The following PCDHGA10 variants were observed in gnomAD, a reference collection of about 807,000 sequenced individuals.
The protein encoded by PCDHGA10 is protocadherin gamma-A10.
A neutral mutation model predicts 59.5 loss-of-function variants in PCDHGA10; 42 were observed. The ratio of observed to expected loss-of-function variants is 0.71; its 90% CI spans 0.55 to 0.91. PCDHGA10 has a LOEUF of 0.91. Ranked by LOEUF, PCDHGA10 falls within the 40% of genes least tolerant of loss-of-function variation. The probability of loss-of-function intolerance (pLI) is 0.00; values close to 1 mark genes in which losing one functional copy is unlikely to be tolerated. For missense variants in PCDHGA10, 1,111 were observed against 1,198.2 expected, an observed-to-expected ratio of 0.93 and a Z score of 1.07; for synonymous variants, 511 against 517.2, an observed-to-expected ratio of 0.99 and a Z score of 0.16.
rs562192762 is a variant in PCDHGA10, at chr5:141,485,718, T to C, written c.2437-9089T>C. 1 of 1,614,058 alleles carries C rather than the reference T, an allele frequency of 6.2e-7. No homozygotes were observed. The highest frequency in any genetic ancestry group is 2.2e-5 in the East Asian group (1 of 44,866). On this transcript the variant is annotated intron_variant, in intron 1 of 3. Coordinates refer to ENST00000398610, the MANE Select transcript of PCDHGA10 (RefSeq NM_018913.3). This position sits in a 1 kb window ranked among gnomAD's most constrained non-coding sequence, Gnocchi z 5.7. ...TCCAATGAACACTTTGCACTGGATG[T>C]GAAGAAGCGCAGCGACGGCAGCCTG...
intron 1 of PCDHGA10, among the ~76,000 whole-genome samples, chr5:141,435,732 C>T (rs2097777160): frequency 6.6e-6 from 1 of 152,150 alleles, no homozygotes; most frequent in South Asian, 2.1e-4. Flanking sequence ...AAGTGTATTA[C>T]TCTTTGAAAA....
chr5:141,444,710 T>A (rs2098445001), intron 1 of PCDHGA10, among the ~76,000 whole-genome samples: 1 of 152,236 alleles, frequency 6.6e-6, no homozygotes, highest in Admixed American at 6.5e-5. Flanking sequence ...TTCTGTTGAA[T>A]TTGCTTGGTG....
At chr5:141,430,928 C>A in intron 1 of PCDHGA10, 1 of 1,607,098 alleles carries the variant, frequency 6.2e-7, no homozygotes, top group Non-Finnish European at 8.5e-7. Context: ...GCTGGAGCCC[C>A]GGGAGCTCGC....
At chr5:141,471,860 A>G (rs1470502617) in intron 1 of PCDHGA10, among the ~76,000 whole-genome samples, 1 of 152,202 alleles carries the variant, frequency 6.6e-6, no homozygotes, top group Non-Finnish European at 1.5e-5. Flanking sequence ...AAAAAGCAAA[A>G]CTGTGGTTGC....
Position 141,485,057 on chromosome 5 carries a change from C to A in PCDHGA10, c.2437-9750C>A, listed in dbSNP as rs2099605934. ...GTAACCCTTGCGGCGCCGGCCGAACCGCGCCAGAGCTGGCGCGGGGAAAGG... is the reference window on the plus strand; with the variant it reads ...GTAACCCTTGCGGCGCCGGCCGAACAGCGCCAGAGCTGGCGCGGGGAAAGG... On this transcript the variant is annotated intron_variant, in intron 1 of 3. Coordinates refer to ENST00000398610, the MANE Select transcript of PCDHGA10 (RefSeq NM_018913.3). The surrounding 1 kb of genome is among the most constrained non-coding windows in gnomAD (Gnocchi z 5.7). The A allele has an allele frequency of 2.4e-6, 2 of 843,718 alleles. No homozygotes were observed. Among genetic ancestry groups the A allele is most frequent in the South Asian group, 1.7e-5 (1 of 59,950 alleles). 52.3% of individuals were successfully genotyped at this position (843,718 alleles called of 1,614,324 possible).
rs188953728 is a variant in PCDHGA10, at chr5:141,448,550, T to A, written c.2436+32939T>A. Among the ~76,000 whole-genome samples, 304 of 152,316 alleles carry A rather than the reference T, an allele frequency of 2.0e-3. 1 individual carries two copies. Among genetic ancestry groups the A allele is most frequent in the African/African-American group, 6.6e-3 (275 of 41,578 alleles). On this transcript the variant is annotated intron_variant, in intron 1 of 3. Transcript: ENST00000398610. ...CCTGTCAGCATTTCTTATGCAAATA[T>A]GTACATATATTTTTATTTCCCCATT...
chr5:141,511,411 A>T lies in PCDHGA10; in HGVS notation c.*238A>T. On this transcript the variant is annotated 3_prime_UTR_variant, in exon 4 of 4. Transcript: ENST00000398610. ...GAACCCCCATCCAATCAACTGCTGTACCCATGGGGGTAGTGGGGTTACTGT... is the reference window on the plus strand; with the variant it reads ...GAACCCCCATCCAATCAACTGCTGTTCCCATGGGGGTAGTGGGGTTACTGT... 1.1e-6 allele frequency: 1 copy of T among 901,334 alleles called. No individual in the cohort carries two copies. Among genetic ancestry groups the T allele is most frequent in the Non-Finnish European group, 1.6e-6 (1 of 617,750 alleles). 55.8% of individuals were successfully genotyped at this position (901,334 alleles called of 1,614,324 possible).
rs143252334 is a variant in PCDHGA10 at position 141,431,395 on chromosome 5, T to A, written c.2436+15784T>A. On this transcript the variant is annotated intron_variant, in intron 1 of 3. Transcript: ENST00000398610. The surrounding 1 kb of genome is among the most constrained non-coding windows in gnomAD (Gnocchi z 4.8). ...AAAAGGCTGCTCACCACCTGGTCCT[T>A]ACGGCCTCCGACGGGGGCGACCCGG... 2 of 1,613,720 alleles carry A rather than the reference T, an allele frequency of 1.2e-6. No individual in the cohort carries two copies. Among genetic ancestry groups the A allele is most frequent in the African/African-American group, 2.7e-5 (2 of 74,950 alleles).
chr5:141,497,702 G>A (rs904199928), intron 2 of PCDHGA10, among the ~76,000 whole-genome samples: 16 of 152,054 alleles, frequency 1.1e-4, no homozygotes, highest in African/African-American at 3.9e-4. Context: ...ACCACACCCA[G>A]CTCATTTTTG....
intron 1 of PCDHGA10, chr5:141,423,007 G>C (rs772337723): frequency 1.9e-6 from 3 of 1,614,242 alleles, no homozygotes; most frequent in Non-Finnish European, 2.5e-6. Flanking sequence ...CAAGGTGGTT[G>C]CGGTGGACAA....
intron 1 of PCDHGA10, among the ~76,000 whole-genome samples, chr5:141,481,037 G>A (rs1438691746): frequency 2.0e-5 from 3 of 152,050 alleles, no homozygotes; most frequent in East Asian, 3.9e-4. Context: ...CAGCCTGGGC[G>A]ACAGAGCGAG....
Position 141,490,810 on chromosome 5 carries a change from T to C in PCDHGA10, c.2437-3997T>C, listed in dbSNP as rs2099704652. On this transcript the variant is annotated intron_variant, in intron 1 of 3. Transcript: ENST00000398610. This position sits in a 1 kb window ranked among gnomAD's most constrained non-coding sequence, Gnocchi z 5.4. ...GATCTTTGCCCAGCGTACCTTTGAC[T>C]ATGAATTGCTGCAGATGCTGCAGAT... 1 of 1,613,936 alleles carries C rather than the reference T, an allele frequency of 6.2e-7. No individual in the cohort carries two copies. Among genetic ancestry groups the C allele is most frequent in the Non-Finnish European group, 8.5e-7 (1 of 1,179,884 alleles).
chr5:141,479,631 A>G (rs191955216), intron 1 of PCDHGA10: 1 of 152,282 alleles, frequency 6.6e-6, no homozygotes, highest in Non-Finnish European at 1.5e-5. Context: ...TCTCTTTAAC[A>G]ATAACAACAA....
chr5:141,418,804 T>A, intron 1 of PCDHGA10: 2 of 1,613,836 alleles, frequency 1.2e-6, no homozygotes, highest in Non-Finnish European at 1.7e-6. Flanking sequence ...TAGAAAGATA[T>A]ACGATAAACA....
rs144203659 is a variant in PCDHGA10, at chr5:141,431,011, G to A, written c.2436+15400G>A. The A allele has an allele frequency of 1.5e-5, 24 of 1,613,168 alleles. No individual in the cohort carries two copies. The highest frequency in any genetic ancestry group is 1.7e-5 in the Non-Finnish European group (20 of 1,179,310). ...CCCTGAATCCGCGCAGCGGCAGCTTGGTCACGGCGGGCAGGATAGACCGGG... is the reference window on the plus strand; with the variant it reads ...CCCTGAATCCGCGCAGCGGCAGCTTAGTCACGGCGGGCAGGATAGACCGGG... On this transcript the variant is annotated intron_variant, in intron 1 of 3. Transcript: ENST00000398610. This position sits in a 1 kb window ranked among gnomAD's most constrained non-coding sequence, Gnocchi z 4.8.
At chr5:141,510,810 A>G (rs1455434913) in intron 3 of PCDHGA10, 137 bp from the exon 4 acceptor site, 19 of 1,519,650 alleles carry the variant, frequency 1.3e-5, no homozygotes, top group Admixed American at 2.0e-5. Flanking sequence ...TACCTTGGTG[A>G]CCCCTATATT....
At chr5:141,508,295 G>C (rs989632251) in intron 3 of PCDHGA10, 5 of 152,202 alleles carry the variant, frequency 3.3e-5, no homozygotes, top group Non-Finnish European at 7.3e-5. Context: ...TGGGCCTTGG[G>C]GGGAGTGGGG....
At chr5:141,435,877 G>A (rs1554127514) in intron 1 of PCDHGA10, among the ~76,000 whole-genome samples, 1 of 152,092 alleles carries the variant, frequency 6.6e-6, no homozygotes, top group Non-Finnish European at 1.5e-5. Flanking sequence ...AAAAGAGATT[G>A]GAAACCCCTT....
chr5:141,503,781 G>A (rs1393561411), intron 2 of PCDHGA10, among the ~76,000 whole-genome samples: 1 of 152,110 alleles, frequency 6.6e-6, no homozygotes, highest in East Asian at 1.9e-4. Flanking sequence ...TTCTTAGGCT[G>A]AGTTCATCTA....
Sources: gnomAD v4.1 joint callset for allele counts (sites outside exome capture counted in the v4.1 genomes callset) on GRCh38, gnomAD v4.1.1 for gene constraint, Gnocchi (gnomAD v3.1) non-coding constraint, MANE v1.5 for transcripts, NCBI Gene and HGNC (gene_info 2026-07-23, HGNC 2026-07-21) for gene names.